PRIM2: variants seen among roughly 807,000 people sequenced by gnomAD.
PRIM2 encodes the protein DNA primase large subunit.
PRIM2 carries 39 observed loss-of-function variants against 67.3 expected under a neutral mutation model. The ratio of observed to expected loss-of-function variants is 0.58; its 90% CI spans 0.45 to 0.76. The LOEUF (loss-of-function observed/expected upper bound fraction) is 0.76. Ranked by LOEUF, PRIM2 falls within the 30% of genes least tolerant of loss-of-function variation. PRIM2 has a pLI of 0.00. For missense variants in PRIM2, 398 were observed against 598.7 expected, an observed-to-expected ratio of 0.66 and a Z score of 3.50; for synonymous variants, 143 against 198.7, an observed-to-expected ratio of 0.72 and a Z score of 2.36.
upstream of PRIM2, among the ~76,000 whole-genome samples, chr6:57,316,464 T>C (rs1414504129): frequency 6.6e-6 from 1 of 152,168 alleles, no homozygotes; most frequent in African/African-American, 2.4e-5. Flanking sequence ...GTTATGATAA[T>C]AAAATGAGTT....
At chr6:57,368,268 A>G (rs1769434434) in intron 5 of PRIM2, among the ~76,000 whole-genome samples, 1 of 152,018 alleles carries the variant, frequency 6.6e-6, no homozygotes, top group Non-Finnish European at 1.5e-5. Context: ...ATGTATGTCG[A>G]ACCACTAATG....
At chr6:57,357,047 C>T (rs111848670) in intron 5 of PRIM2, among the ~76,000 whole-genome samples, 1 of 151,724 alleles carries the variant, frequency 6.6e-6, no homozygotes, top group East Asian at 2.0e-4. Flanking sequence ...GATTCTCCTG[C>T]CTCAGCCTCC....
intron 10 of PRIM2, among the ~76,000 whole-genome samples, chr6:57,582,428 A>G (rs1216684363): frequency 3.3e-5 from 5 of 152,180 alleles, no homozygotes; most frequent in Non-Finnish European, 7.3e-5. Context: ...TGGAATGTGA[A>G]GAAAACTGGC....
At chr6:57,406,423 A>G (rs1462764947) in intron 7 of PRIM2, among the ~76,000 whole-genome samples, 2 of 152,336 alleles carry the variant, frequency 1.3e-5, no homozygotes, top group African/African-American at 2.4e-5. Flanking sequence ...ATTTACATGC[A>G]TTGAGAGTCT....
chr6:57,514,644 T>TG (rs1460599016), intron 8 of PRIM2, among the ~76,000 whole-genome samples: 3 of 152,140 alleles, frequency 2.0e-5, no homozygotes, highest in Non-Finnish European at 4.4e-5. Context: ...TTGTCACCTT[T>TG]GAATTACAAT....
At chr6:57,289,479 G>A in the PRIM2 span, among the ~76,000 whole-genome samples, 3 of 152,100 alleles carry the variant, frequency 2.0e-5, no homozygotes, top group Admixed American at 6.5e-5. Context: ...TCCTCGAGAA[G>A]AGCAACCCCA....
At chr6:57,309,576 T>A in the PRIM2 span, among the ~76,000 whole-genome samples, 1 of 152,134 alleles carries the variant, frequency 6.6e-6, no homozygotes, top group African/African-American at 2.4e-5. Context: ...TGTTGGACAT[T>A]TGGGTTGGTT....
the PRIM2 span, among the ~76,000 whole-genome samples, chr6:57,288,340 C>T: frequency 1.3e-5 from 2 of 152,216 alleles, no homozygotes; most frequent in Non-Finnish European, 2.9e-5. Flanking sequence ...CCTACTGCCT[C>T]TCTAGATTCC....
chr6:57,486,115 TGGA>T (rs1773748030), intron 7 of PRIM2, among the ~76,000 whole-genome samples: 3 of 152,004 alleles, frequency 2.0e-5, no homozygotes, highest in African/African-American at 7.3e-5. Flanking sequence ...GCTGGACCAG[TGGA>T]GGAGATGTCA....
At chr6:57,345,352 A>G (rs1768637039) in intron 5 of PRIM2, among the ~76,000 whole-genome samples, 1 of 151,752 alleles carries the variant, frequency 6.6e-6, no homozygotes, top group Non-Finnish European at 1.5e-5. Flanking sequence ...TTTTTAGTAG[A>G]GACGGGGTTT....
chr6:57,524,564 G>T (rs1194071872), intron 8 of PRIM2, among the ~76,000 whole-genome samples: 1 of 152,134 alleles, frequency 6.6e-6, no homozygotes, highest in African/African-American at 2.4e-5. Flanking sequence ...AGCCAGGCAT[G>T]GTGGCACGTG....
chr6:57,302,895 A>G, the PRIM2 span, among the ~76,000 whole-genome samples: 1 of 152,216 alleles, frequency 6.6e-6, no homozygotes, highest in Non-Finnish European at 1.5e-5. Flanking sequence ...CATTTATTCT[A>G]TGAGTTGTGT....
At chr6:57,334,866 T>A (rs917747800) in intron 5 of PRIM2, among the ~76,000 whole-genome samples, 1 of 152,068 alleles carries the variant, frequency 6.6e-6, no homozygotes, top group Non-Finnish European at 1.5e-5. Flanking sequence ...AAAAATGGTT[T>A]TGGAATAGGA....
chr6:57,338,001 C>T (rs558676277), intron 5 of PRIM2, among the ~76,000 whole-genome samples: 43 of 151,748 alleles, frequency 2.8e-4, no homozygotes, highest in African/African-American at 6.3e-4. Context: ...ATCAAATAGA[C>T]GCAATAAAAA....
chr6:57,299,443 C>A, the PRIM2 span, among the ~76,000 whole-genome samples: 1 of 152,184 alleles, frequency 6.6e-6, no homozygotes, highest in African/African-American at 2.4e-5. Flanking sequence ...TCCTTTTAAG[C>A]AGACTGACCC....
intron 10 of PRIM2, among the ~76,000 whole-genome samples, chr6:57,565,447 G>A (rs1444241084): frequency 6.7e-6 from 1 of 148,752 alleles, no homozygotes; most frequent in Non-Finnish European, 1.5e-5. Flanking sequence ...GGGAAAGCCA[G>A]TGGTGTAGTT....
intron 7 of PRIM2, 122 bp from the exon 8 acceptor site, chr6:57,507,265 A>G (rs1774269935): frequency 2.4e-6 from 2 of 845,446 alleles, no homozygotes; most frequent in Admixed American, 5.9e-5. Context: ...AAAGAGAAAT[A>G]GAACCTTATA....
intron 10 of PRIM2, among the ~76,000 whole-genome samples, chr6:57,590,383 AATAGAAGAAGGGATTCCAGT>A (rs1776263837): frequency 6.6e-6 from 1 of 152,210 alleles, no homozygotes; most frequent in Non-Finnish European, 1.5e-5. Flanking sequence ...GAAAAGCTGC[AATAGAAGAAGGGATTCCAGT>A]ATAGAACTGG....
intron 10 of PRIM2, among the ~76,000 whole-genome samples, chr6:57,564,325 C>T (rs1208813423): frequency 6.6e-5 from 10 of 152,144 alleles, no homozygotes; most frequent in South Asian, 2.1e-4. Context: ...CAGTGTTCTT[C>T]GCTGGATTGA....
Sources: gnomAD v4.1 joint callset for allele counts (sites outside exome capture counted in the v4.1 genomes callset) on GRCh38, gnomAD v4.1.1 for gene constraint, MANE v1.5 for transcripts, NCBI Gene and HGNC (gene_info 2026-07-23, HGNC 2026-07-21) for gene names.